The following ASTN1 variants were observed in gnomAD, a reference collection of about 807,000 sequenced individuals.
ASTN1 encodes astrotactin-1.
ASTN1 carries 41 observed loss-of-function variants against 140.7 expected under a neutral mutation model. The ratio of observed to expected loss-of-function variants is 0.29; its 90% CI spans 0.23 to 0.38. ASTN1 has a LOEUF of 0.38. ASTN1 is among the 10% of genes least tolerant of loss of function. The pLI is 1.00. For synonymous variants in ASTN1, 640 were observed against 652.2 expected (o/e 0.98, Z 0.29); for missense variants, 1,479 against 1,678.8 (o/e 0.88, Z 2.08).
At chr1:176,967,003 C>T (rs1434240511) in intron 8 of ASTN1, among the ~76,000 whole-genome samples, 2 of 151,920 alleles carry the variant, frequency 1.3e-5, no homozygotes, top group African/African-American at 4.8e-5. Context: ...TGGAAATCAC[C>T]AACTTAACCC....
Position 177,115,400 on chromosome 1 carries a change from G to A in ASTN1, c.283+48994C>T, listed in dbSNP as rs115949459. On this transcript the variant is annotated intron_variant, in intron 1 of 22. Coordinates refer to ENST00000361833, the MANE Select transcript of ASTN1 (RefSeq NM_004319.3). ...TTTTATAATCATGAATGTCTGGTGC[G>A]ATGGCTCACACCTATAATCCCAGCA... Among the ~76,000 whole-genome samples, 1,282 of 152,154 alleles carry A rather than the reference G, an allele frequency of 8.4e-3. 17 individuals carry two copies. Among genetic ancestry groups the A allele is most frequent in the African/African-American group, 0.029 (1,218 of 41,518 alleles).
At chr1:177,068,587 A>C (rs1486477826) in intron 1 of ASTN1, among the ~76,000 whole-genome samples, 2 of 152,098 alleles carry the variant, frequency 1.3e-5, no homozygotes, top group African/African-American at 4.8e-5. Context: ...AGCTCCCTGG[A>C]GCTCACTTTC....
At chr1:176,903,769 A>C (rs1256014702) in intron 16 of ASTN1, among the ~76,000 whole-genome samples, 1 of 152,196 alleles carries the variant, frequency 6.6e-6, no homozygotes, top group East Asian at 1.9e-4. Context: ...TGAGGCACTT[A>C]AAACAACAGC....
intron 3 of ASTN1, among the ~76,000 whole-genome samples, chr1:177,032,229 T>C (rs187420992): frequency 3.3e-5 from 5 of 152,206 alleles, no homozygotes; most frequent in South Asian, 2.1e-4. Flanking sequence ...TTCCAGTGCC[T>C]GGTGGAAGTG....
At chr1:176,985,899 C>G (rs1673882065) in intron 8 of ASTN1, among the ~76,000 whole-genome samples, 2 of 148,628 alleles carry the variant, frequency 1.3e-5, no homozygotes, top group Non-Finnish European at 3.0e-5. Context: ...CACACACAGA[C>G]AGCCTTTTCC....
At chr1:177,134,740 A>G (rs994320546) in intron 1 of ASTN1, among the ~76,000 whole-genome samples, 114 of 152,298 alleles carry the variant, frequency 7.5e-4, no homozygotes, top group African/African-American at 2.6e-3. Flanking sequence ...CAGAATGCAA[A>G]GAGGAAGTGG....
intron 16 of ASTN1, among the ~76,000 whole-genome samples, chr1:176,928,555 G>A (rs1671070125): frequency 6.6e-6 from 1 of 152,116 alleles, no homozygotes; most frequent in Non-Finnish European, 1.5e-5. Flanking sequence ...AGGCTTGGTG[G>A]GAGTGATGTT....
chr1:177,024,697 A>G lies in ASTN1; in HGVS notation c.1156T>C (p.Leu386=), dbSNP rs368887905. ...CAGCTGGTGATGCTGATCAGGGTCA[A>G]GGTGGTCTTATTCACAGGACTTCGG... is the stretch of plus-strand genomic sequence containing the variant. ...SPRSPVNKTT[L]TLISITSCVI... The change falls in exon 6 of 23, where the codon TTG becomes CTG. Residue 386 remains leucine, a synonymous_variant. Transcript: ENST00000361833. 1.9e-5 allele frequency: 31 copies of G among 1,614,014 alleles called. No individual in the cohort carries two copies. Among genetic ancestry groups the G allele is most frequent in the African/African-American group, 5.3e-5 (4 of 74,942 alleles).
At chr1:176,940,477 A>G (rs1671669675) in intron 14 of ASTN1, among the ~76,000 whole-genome samples, 1 of 152,228 alleles carries the variant, frequency 6.6e-6, no homozygotes, top group South Asian at 2.1e-4. Flanking sequence ...CTAATCACAT[A>G]GGATGCTCAC....
At chr1:177,151,957 T>C (rs1444701486) in intron 1 of ASTN1, among the ~76,000 whole-genome samples, 1 of 152,092 alleles carries the variant, frequency 6.6e-6, no homozygotes, top group African/African-American at 2.4e-5. Flanking sequence ...TGTGCTTTTT[T>C]AGGTTATGTC....
At chr1:177,005,093 T>C (rs183812677) in intron 8 of ASTN1, among the ~76,000 whole-genome samples, 236 of 152,242 alleles carry the variant, frequency 1.6e-3, no homozygotes, top group Admixed American at 3.4e-3. Flanking sequence ...AACATGCATC[T>C]GCAAAGGACT....
intron 2 of ASTN1, among the ~76,000 whole-genome samples, chr1:177,049,126 G>A (rs906291848): frequency 1.3e-5 from 2 of 152,180 alleles, no homozygotes; most frequent in African/African-American, 4.8e-5. Context: ...GTGTCAACCA[G>A]GGATTGCTAG....
intron 8 of ASTN1, among the ~76,000 whole-genome samples, chr1:176,966,341 A>G (rs1368345894): frequency 6.6e-6 from 1 of 152,230 alleles, no homozygotes; most frequent in African/African-American, 2.4e-5. Context: ...CTTCAATGAC[A>G]CAATGACTGA....
intron 11 of ASTN1, among the ~76,000 whole-genome samples, chr1:176,955,864 G>A (rs1672377822): frequency 6.6e-6 from 1 of 152,380 alleles, no homozygotes; most frequent in Admixed American, 6.5e-5. Flanking sequence ...GCTACAGAGA[G>A]TAGGGAAGGA....
chr1:177,020,079 G>T (rs555060091), intron 7 of ASTN1, among the ~76,000 whole-genome samples: 47 of 152,166 alleles, frequency 3.1e-4, no homozygotes, highest in African/African-American at 1.1e-3. Context: ...TAGAGATGGG[G>T]TTTATGCCAT....
intron 16 of ASTN1, among the ~76,000 whole-genome samples, chr1:176,911,437 G>A (rs1310509971): frequency 6.6e-6 from 1 of 152,058 alleles, no homozygotes; most frequent in Non-Finnish European, 1.5e-5. Context: ...TCACTCTTTT[G>A]TAATAACACT....
Position 176,861,992 on chromosome 1 carries a change from C to T in ASTN1, c.*2292G>A. The T allele has an allele frequency of 1.0e-6, 1 of 985,484 alleles. No individual in the cohort carries two copies. The highest frequency in any genetic ancestry group is 1.2e-6 in the Non-Finnish European group (1 of 830,024). The allele number at this position is 985,484 out of a possible 1,614,324, so 61.0% of individuals were successfully genotyped here. A position where few individuals can be genotyped will look rare whatever the true frequency, so the allele number is the denominator to read the frequency against. Reference sequence around the variant, plus strand: ...CTTCTGGGCAGGAAGGCATCGGCAGCCTCACCCTCCTTTCACTCAAGCTTA... The same window carrying T: ...CTTCTGGGCAGGAAGGCATCGGCAGTCTCACCCTCCTTTCACTCAAGCTTA... On this transcript the variant is annotated 3_prime_UTR_variant, in exon 23 of 23. Coordinates refer to ENST00000361833, the MANE Select transcript of ASTN1 (RefSeq NM_004319.3).
In ASTN1 at chr1:176,897,914, C is replaced by G. The variant is rs190415882; in HGVS notation, c.2672-3084G>C. Among the ~76,000 whole-genome samples the G allele has an allele frequency of 3.9e-3, 598 of 152,246 alleles. 5 individuals are homozygous for G. Among genetic ancestry groups the G allele is most frequent in the Middle Eastern group, 0.01 (3 of 294 alleles). ...CCCAAATACCCAGGCATGCTCCCCA[C>G]GCCCCCTCCTCTCATTACTAAGCAT... On this transcript the variant is annotated intron_variant, in intron 16 of 22. Coordinates refer to ENST00000361833, the MANE Select transcript of ASTN1 (RefSeq NM_004319.3).
At chr1:176,958,605 C>T (rs1672520778) in intron 9 of ASTN1, 123 bp from the exon 10 acceptor site, 2 of 1,306,964 alleles carry the variant, frequency 1.5e-6, no homozygotes, top group Non-Finnish European at 2.0e-6. Flanking sequence ...AGAAAGACTG[C>T]CTTTTTATGG....
Sources: gnomAD v4.1 joint callset for allele counts (sites outside exome capture counted in the v4.1 genomes callset) on GRCh38, gnomAD v4.1.1 for gene constraint, MANE v1.5 for transcripts, NCBI Gene and HGNC (gene_info 2026-07-23, HGNC 2026-07-21) for gene names.